C6orf132: variants seen among roughly 807,000 people sequenced by gnomAD.
C6orf132 encodes uncharacterized protein C6orf132.
Under a neutral mutation model 65.3 loss-of-function variants are expected in C6orf132, and 43 were observed. The ratio of observed to expected loss-of-function variants is 0.66; its 90% CI spans 0.52 to 0.85. C6orf132 has a LOEUF of 0.85. Among genes scored for constraint, C6orf132 ranks in the 40% least tolerant of loss-of-function variants. The probability of loss-of-function intolerance (pLI) is 0.00; values close to 1 mark genes in which losing one functional copy is unlikely to be tolerated. For missense variants in C6orf132, 1,488 were observed against 1,548.8 expected (o/e 0.96, Z 0.66); for synonymous variants, 631 against 654.1 (o/e 0.96, Z 0.54).
At chr6:42,125,505 G>C (rs1276227416) in intron 2 of C6orf132, among the ~76,000 whole-genome samples, 1 of 152,154 alleles carries the variant, frequency 6.6e-6, no homozygotes, top group Non-Finnish European at 1.5e-5. Flanking sequence ...CCTTTCCCCG[G>C]TTAGCCAGCA....
At chr6:42,133,795 A>C (rs1766893950) in intron 1 of C6orf132, among the ~76,000 whole-genome samples, 1 of 86,006 alleles carries the variant, frequency 1.2e-5, no homozygotes, top group Admixed American at 1.4e-4. Flanking sequence ...CTCCCTAACA[A>C]TTTCTCCCTC....
chr6:42,104,920 G>A lies in C6orf132; in HGVS notation c.2992C>T (p.Pro998Ser), dbSNP rs907108291. Reference protein sequence around the residue: ...PPPEFSNDPEPPAPALQYLGR... With the variant: ...PPPEFSNDPESPAPALQYLGR... ...AGATACTGGAGGGCCGGGGCCGGGG[G>A]CTCAGGGTCATTGCTGAACTCTGGC... Residue 998 changes from proline to serine, a missense_variant, in exon 4 of 5, where the codon CCC becomes TCC. Transcript: ENST00000341865. The surrounding 1 kb of genome is among the most constrained non-coding windows in gnomAD (Gnocchi z 4.1). 2 of 1,463,158 alleles carry A rather than the reference G, an allele frequency of 1.4e-6. No individual in the cohort carries two copies. The highest frequency in any genetic ancestry group is 1.8e-6 in the Non-Finnish European group (2 of 1,111,926). The allele number at this position is 1,463,158 out of a possible 1,614,324, so 90.6% of individuals were successfully genotyped here. A position where few individuals can be genotyped will look rare whatever the true frequency, so the allele number is the denominator to read the frequency against.
chr6:42,126,860 A>AAAAG, intron 2 of C6orf132: 1 of 457,882 alleles, frequency 2.2e-6, no homozygotes, highest in Non-Finnish European at 3.9e-6. Flanking sequence ...AAAAAAAAAA[A>AAAAG]AAGAATATTT....
At chr6:42,137,185 C>A (rs2474348) in intron 1 of C6orf132, among the ~76,000 whole-genome samples, 2 of 152,106 alleles carry the variant, frequency 1.3e-5, no homozygotes, top group Non-Finnish European at 2.9e-5. Context: ...TAGTCCAGAG[C>A]CTGGTGACAA....
chr6:42,108,937 C>G (rs190598279), intron 3 of C6orf132, among the ~76,000 whole-genome samples: 20 of 152,238 alleles, frequency 1.3e-4, no homozygotes, highest in Admixed American at 2.6e-4. Context: ...ACTGAGCACC[C>G]AACTGTCAGG....
rs764476138 is a variant in C6orf132 at position 42,105,185 on chromosome 6, C to A, written c.2727G>T (p.Thr909=). The A allele has an allele frequency of 1.4e-4, 211 of 1,537,034 alleles. No individual in the cohort carries two copies. In the South Asian group the frequency reaches 2.4e-3, roughly 17 times the overall value. ...PKEAEKDSPL[T]TEIPNKWGPR... is the part of the protein sequence containing the mutation. ...GCCCCCACTTATTGGGTATTTCGGT[C>A]GTCAGCGGGGAGTCCTTCTCAGCCT... Residue 909 remains threonine, a synonymous_variant, in exon 4 of 5, where the codon ACG becomes ACT. Transcript: ENST00000341865.
At chr6:42,109,252 G>A (rs919308173) in intron 3 of C6orf132, among the ~76,000 whole-genome samples, 1 of 152,064 alleles carries the variant, frequency 6.6e-6, no homozygotes, top group African/African-American at 2.4e-5. Flanking sequence ...GGCCAACATG[G>A]TGAAACACTG....
At chr6:42,119,275 A>AAAAAAAAAAAG (rs1562037439) in intron 2 of C6orf132, among the ~76,000 whole-genome samples, 10 of 128,090 alleles carry the variant, frequency 7.8e-5, no homozygotes, top group African/African-American at 2.6e-4. Context: ...AAAAAAAAAA[A>AAAAAAAAAAAG]GGGAGAATTC....
rs1582268724 is a variant in C6orf132 at position 42,106,410 on chromosome 6, T to G, written c.1502A>C (p.Lys501Thr). ...CAGGCGGGGGCCCTTCTTGCCCTCCTTGCTCTGAGGGGCCACTGTTGGGCC... is the reference window on the plus strand; with the variant it reads ...CAGGCGGGGGCCCTTCTTGCCCTCCGTGCTCTGAGGGGCCACTGTTGGGCC... ...RPGPTVAPQS[K>T]EGKKGPRLPE... Residue 501 changes from lysine (K) to threonine (T), a missense_variant, in exon 4 of 5, where the codon AAG (lysine) becomes ACG (threonine). By Grantham distance (78) the Lys-to-Thr change is moderately conservative (BLOSUM62 -1). Transcript: ENST00000341865. 2.6e-6 allele frequency: 4 copies of G among 1,535,838 alleles called. No homozygotes were observed. The East Asian group carries it at 9.8e-5, about 38-fold the overall frequency.
In C6orf132 at chr6:42,106,802, T is replaced by A. The variant is rs962838313; in HGVS notation, c.1110A>T (p.Ala370=). The A allele has an allele frequency of 6.5e-7, 1 of 1,534,416 alleles. No individual in the cohort carries two copies. Among genetic ancestry groups the A allele is most frequent in the African/African-American group, 1.4e-5 (1 of 72,786 alleles). The change falls in exon 4 of 5, where the codon GCA becomes GCT. Residue 370 remains alanine (A), a synonymous_variant. Transcript: ENST00000341865. The part of the protein sequence containing the change: ...PDCPGELKAT[A]PASPRLGQSQ... ...ACTGGCCAAGCCTTGGGCTGGCTGG[T>A]GCTGTGGCCTTGAGCTCCCCAGGGC...
intron 1 of C6orf132, among the ~76,000 whole-genome samples, chr6:42,134,642 T>C (rs1490827823): frequency 6.6e-6 from 1 of 151,662 alleles, no homozygotes; most frequent in Non-Finnish European, 1.5e-5. Flanking sequence ...GGCGTGGTGG[T>C]GGGTGCCTAT....
In C6orf132 at chr6:42,105,231, A is replaced by G; in HGVS notation, c.2681T>C (p.Val894Ala). ...HSQGTPNSFT[V>A]VPKLPKEAEK... ...AGCCTCCTTGGGTAACTTGGGCACC[A>G]CAGTGAAGGAGTTGGGCGTGCCCTG... is the stretch of plus-strand genomic sequence containing the variant. Residue 894 changes from valine (V) to alanine (A), a missense_variant, in exon 4 of 5, where the codon GTG becomes GCG. Transcript: ENST00000341865. 1 of 1,537,190 alleles carries G rather than the reference A, an allele frequency of 6.5e-7. No homozygotes were observed. Among genetic ancestry groups the G allele is most frequent in the Non-Finnish European group, 8.7e-7 (1 of 1,146,900 alleles).
At chr6:42,118,913 A>C (rs1582275911) in intron 2 of C6orf132, among the ~76,000 whole-genome samples, 1 of 124,950 alleles carries the variant, frequency 8.0e-6, no homozygotes, top group Admixed American at 9.5e-5. Context: ...TCTCACTGTC[A>C]CCCAAGCTGC....
At chr6:42,108,872 C>A (rs2127474152) in intron 3 of C6orf132, among the ~76,000 whole-genome samples, 1 of 152,266 alleles carries the variant, frequency 6.6e-6, no homozygotes, top group East Asian at 1.9e-4. Context: ...CTCCTCCCAG[C>A]TGCCTGACTT....
intron 2 of C6orf132, among the ~76,000 whole-genome samples, chr6:42,113,455 G>C (rs1012840631): frequency 1.3e-5 from 2 of 152,198 alleles, no homozygotes; most frequent in African/African-American, 4.8e-5. Context: ...CACAGAGCCA[G>C]GGTGCAAACC....
intron 1 of C6orf132, among the ~76,000 whole-genome samples, chr6:42,135,771 C>A (rs1003969725): frequency 2.0e-5 from 3 of 152,180 alleles, no homozygotes; most frequent in Non-Finnish European, 4.4e-5. Flanking sequence ...CCCTCACCAC[C>A]CCATGGGGGA....
At chr6:42,111,123 A>AT (rs372575485) in intron 2 of C6orf132, among the ~76,000 whole-genome samples, 1,959 of 149,828 alleles carry the variant, frequency 0.013, 31 homozygotes, top group East Asian at 0.05. Flanking sequence ...ATGAACTTGA[A>AT]TTTTTTTTTG....
At position 42,105,755 on chromosome 6, in the gene C6orf132, C is replaced by T. The variant is rs1262260247; in HGVS notation, c.2157G>A (p.Lys719=). The change falls in exon 4 of 5, where the codon AAG becomes AAA. Residue 719 remains lysine, a synonymous_variant. Transcript: ENST00000341865. ...GAGTGGAAACTTCTTGAGATGCTGGCTTCTCTGGCTGGCCAGCTGGGCCTG... is the reference window on the plus strand; with the variant it reads ...GAGTGGAAACTTCTTGAGATGCTGGTTTCTCTGGCTGGCCAGCTGGGCCTG... The part of the protein sequence containing the change: ...KDSGPAGQPE[K]PASQEVSTPS... 1 of 1,537,326 alleles carries T rather than the reference C, an allele frequency of 6.5e-7. No homozygotes were observed.
Position 42,138,850 on chromosome 6 carries a change from AACACACACAC to A in C6orf132, c.145+3440_145+3449del, listed in dbSNP as rs59373265. Among the ~76,000 whole-genome samples the A allele has an allele frequency of 3.4e-3, 480 of 142,862 alleles. 1 individual carries two copies. Among genetic ancestry groups the A allele is most frequent in the African/African-American group, 0.012 (449 of 38,812 alleles). The allele number at this position is 142,862 out of a possible 152,430, so 93.7% of individuals were successfully genotyped here. A position where few individuals can be genotyped will look rare whatever the true frequency, so the allele number is the denominator to read the frequency against. ...ACATCTCTGCTTTCTCATGCATTTA[AACACACACAC>A]ACACACACACACACACACACACTCG... On this transcript the variant is annotated intron_variant, in intron 1 of 4. Coordinates refer to ENST00000341865, the MANE Select transcript of C6orf132 (RefSeq NM_001164446.3).
Sources: allele counts gnomAD v4.1 joint callset (sites outside exome capture counted in the v4.1 genomes callset), GRCh38; gene constraint gnomAD v4.1.1; non-coding constraint Gnocchi (gnomAD v3.1); transcripts MANE v1.5; gene names NCBI Gene and HGNC (gene_info 2026-07-23, HGNC 2026-07-21).